REEP3: variants seen among roughly 807,000 people sequenced by gnomAD.
REEP3 encodes receptor expression-enhancing protein 3.
Under a neutral mutation model 41.3 loss-of-function variants are expected in REEP3, and 20 were observed. That is an observed-to-expected ratio of 0.48 (90% confidence interval 0.34 to 0.70). The LOEUF (loss-of-function observed/expected upper bound fraction) is 0.70, where lower values mean the gene tolerates loss of function less well. REEP3 is among the 30% of genes least tolerant of loss of function. The probability of loss-of-function intolerance (pLI) is 0.01; values close to 1 mark genes in which losing one functional copy is unlikely to be tolerated. For missense variants in REEP3, 271 were observed against 308.8 expected (o/e 0.88, Z 0.92); for synonymous variants, 104 against 101.8 (o/e 1.02, Z -0.13).
chr10:63,607,843 C>G (rs1423827943), intron 5 of REEP3, among the ~76,000 whole-genome samples: 1 of 152,146 alleles, frequency 6.6e-6, no homozygotes, highest in Admixed American at 6.5e-5. Flanking sequence ...GTTGATTATG[C>G]TTGTTAAACA....
At chr10:63,613,922 A>G (rs567161855) in intron 6 of REEP3, among the ~76,000 whole-genome samples, 1 of 152,328 alleles carries the variant, frequency 6.6e-6, no homozygotes, top group Non-Finnish European at 1.5e-5. Context: ...TTTCTTAAGC[A>G]TGATATCAAA....
At chr10:63,612,180 A>G (rs1328090859) in intron 6 of REEP3, among the ~76,000 whole-genome samples, 1 of 151,104 alleles carries the variant, frequency 6.6e-6, no homozygotes, top group Non-Finnish European at 1.5e-5. Flanking sequence ...TTTGTTGTTA[A>G]TTTATTTATT....
intron 3 of REEP3, 22 bp downstream of exon 3, chr10:63,594,876 G>A: frequency 6.8e-6 from 10 of 1,467,706 alleles, no homozygotes; most frequent in Non-Finnish European, 9.6e-6. Context: ...TATTGAGAAG[G>A]GGCCAGACTA....
At chr10:63,579,048 G>GT (rs1043540554) in intron 2 of REEP3, among the ~76,000 whole-genome samples, 1 of 148,568 alleles carries the variant, frequency 6.7e-6, no homozygotes, top group Non-Finnish European at 1.5e-5. Context: ...TTTTGGGGGG[G>GT]GGGAGATGGA....
At position 63,621,148 on chromosome 10, in the gene REEP3, G is replaced by C. The variant is rs1956350633; in HGVS notation, c.*279G>C. ...AATTCATCAACAGCCTAGAGTGCCT[G>C]AGATATAAGATGAAACACAAATCCA... On this transcript the variant is annotated 3_prime_UTR_variant, in exon 8 of 8. Transcript: ENST00000373758. 4 of 255,016 alleles carry C rather than the reference G, an allele frequency of 1.6e-5. No individual in the cohort carries two copies. 15.8% of individuals were successfully genotyped at this position (255,016 alleles called of 1,614,324 possible).
In REEP3 at chr10:63,565,825, A is replaced by G. The variant is rs533324817; in HGVS notation, c.33-513A>G. The stretch of plus-strand genomic sequence containing the variant: ...AATGAGATAAAAAGTTTTAGAAGTC[A>G]ATTTTTTCAAAAAATAAAGTTTTTA... On this transcript the variant is annotated intron_variant, in intron 1 of 7. Transcript: ENST00000373758. 2.6e-5 allele frequency among the ~76,000 whole-genome samples: 4 copies of G among 152,124 alleles called. No homozygotes were observed. The South Asian group carries it at 8.3e-4, about 32-fold the overall frequency.
chr10:63,563,008 A>G (rs1457553991), intron 1 of REEP3: 1 of 456,520 alleles, frequency 2.2e-6, no homozygotes, highest in East Asian at 6.9e-5. Flanking sequence ...CTAAGAAGAG[A>G]TTAGGCCACA....
At chr10:63,617,453 GC>G in intron 6 of REEP3, among the ~76,000 whole-genome samples, 1 of 152,224 alleles carries the variant, frequency 6.6e-6, no homozygotes, top group East Asian at 1.9e-4. Flanking sequence ...AGGCTATAAT[GC>G]AGTGGCATGA....
chr10:63,571,735 C>T (rs1955854134), intron 2 of REEP3, among the ~76,000 whole-genome samples: 1 of 152,176 alleles, frequency 6.6e-6, no homozygotes, highest in Non-Finnish European at 1.5e-5. Context: ...TTTCTGCCTA[C>T]TCCAATAATA....
At chr10:63,531,866 A>G (rs1036943318) in intron 1 of REEP3, among the ~76,000 whole-genome samples, 2 of 152,252 alleles carry the variant, frequency 1.3e-5, no homozygotes, top group Non-Finnish European at 2.9e-5. Context: ...AGAATATTCT[A>G]TATAAAAATA....
intron 1 of REEP3, among the ~76,000 whole-genome samples, chr10:63,556,483 C>T (rs1955681515): frequency 6.6e-6 from 1 of 150,692 alleles, no homozygotes; most frequent in South Asian, 2.1e-4. Flanking sequence ...AATACTCAAA[C>T]AGAATTTGAG....
chr10:63,622,806 G>A lies in REEP3; in HGVS notation c.*1937G>A, dbSNP rs572762920. 290 of 149,420 alleles carry A rather than the reference G, an allele frequency of 1.9e-3. No individual in the cohort carries two copies. Among genetic ancestry groups the A allele is most frequent in the African/African-American group, 6.8e-3 (274 of 40,214 alleles). 9.3% of individuals were successfully genotyped at this position (149,420 alleles called of 1,614,324 possible). A position where few individuals can be genotyped will look rare whatever the true frequency, so the allele number is the denominator to read the frequency against. On this transcript the variant is annotated 3_prime_UTR_variant, in exon 8 of 8. Transcript: ENST00000373758. ...ACTACAACCTCTGCCTCCCGGGTTC[G>A]AGCGATTCTCCTGCCTCGGCCTCCC...
chr10:63,576,577 AC>A (rs1955900509), intron 2 of REEP3, among the ~76,000 whole-genome samples: 1 of 152,126 alleles, frequency 6.6e-6, no homozygotes, highest in Admixed American at 6.5e-5. Context: ...ATCTTCAATG[AC>A]CCTGTTTCCA....
At chr10:63,570,754 T>C (rs917370916) in intron 2 of REEP3, among the ~76,000 whole-genome samples, 3 of 152,168 alleles carry the variant, frequency 2.0e-5, no homozygotes, top group Non-Finnish European at 4.4e-5. Flanking sequence ...GGACAAGGCA[T>C]CTGCCTTTGA....
chr10:63,560,516 A>G (rs1338315969), intron 1 of REEP3, among the ~76,000 whole-genome samples: 4 of 152,136 alleles, frequency 2.6e-5, no homozygotes, highest in Non-Finnish European at 5.9e-5. Context: ...TTTATTTTTC[A>G]TCTTTTAAAA....
chr10:63,545,781 G>A (rs1346114941), intron 1 of REEP3, among the ~76,000 whole-genome samples: 4 of 148,488 alleles, frequency 2.7e-5, no homozygotes, highest in Admixed American at 2.1e-4. Context: ...TCTGCCTCCG[G>A]GGTTCGAGTG....
At chr10:63,558,241 T>A (rs1955708342) in intron 1 of REEP3, among the ~76,000 whole-genome samples, 1 of 152,194 alleles carries the variant, frequency 6.6e-6, no homozygotes, top group African/African-American at 2.4e-5. Flanking sequence ...AGATGACAGA[T>A]AGGTTTACCT....
intron 1 of REEP3, among the ~76,000 whole-genome samples, chr10:63,552,529 T>C (rs1163892428): frequency 1.3e-5 from 2 of 152,384 alleles, no homozygotes; most frequent in Non-Finnish European, 2.9e-5. Context: ...TTGTTTTTAA[T>C]ACAGAATCCA....
chr10:63,541,957 A>G (rs982440345), intron 1 of REEP3, among the ~76,000 whole-genome samples: 5 of 152,204 alleles, frequency 3.3e-5, no homozygotes, highest in Non-Finnish European at 7.3e-5. Flanking sequence ...TAATATTTCT[A>G]TGTCATATTA....
Sources: allele counts gnomAD v4.1 joint callset (sites outside exome capture counted in the v4.1 genomes callset), GRCh38; gene constraint gnomAD v4.1.1; transcripts MANE v1.5; gene names NCBI Gene and HGNC (gene_info 2026-07-23, HGNC 2026-07-21).